The following TPO variants were observed in gnomAD, a reference collection of about 807,000 sequenced individuals.
The protein encoded by TPO is thyroid microsomal antigen.
In TPO, 78 loss-of-function variants were observed where a neutral mutation model predicts 96.9. That is an observed-to-expected ratio of 0.81 (90% CI 0.67 to 0.97). The LOEUF (loss-of-function observed/expected upper bound fraction) is 0.97, where lower values mean the gene tolerates loss of function less well. Ranked by LOEUF, TPO falls within the 50% of genes least tolerant of loss-of-function variation. The pLI is 0.00. For missense variants in TPO, 1,252 were observed against 1,274.8 expected (o/e 0.98, Z 0.27); for synonymous variants, 547 against 538.0 (o/e 1.02, Z -0.23).
At chr2:1,433,230 C>T (rs1258295243) in intron 3 of TPO, among the ~76,000 whole-genome samples, 1 of 152,146 alleles carries the variant, frequency 6.6e-6, no homozygotes, top group African/African-American at 2.4e-5. Flanking sequence ...AATACTGATG[C>T]ATCACTTACA....
At chr2:1,383,876 T>C (rs1019839308) in intron 1 of TPO, among the ~76,000 whole-genome samples, 2 of 152,194 alleles carry the variant, frequency 1.3e-5, no homozygotes, top group Non-Finnish European at 2.9e-5. Flanking sequence ...CTTTAATCCA[T>C]CTTGAATTAA....
intron 15 of TPO, among the ~76,000 whole-genome samples, chr2:1,539,555 C>T (rs1417413544): frequency 2.0e-5 from 3 of 152,150 alleles, no homozygotes; most frequent in East Asian, 1.9e-4. Flanking sequence ...ACACCTAGGT[C>T]GGAGTCCGCA....
At chr2:1,406,052 T>G (rs1662245458) in intron 1 of TPO, among the ~76,000 whole-genome samples, 1 of 152,238 alleles carries the variant, frequency 6.6e-6, no homozygotes, top group Admixed American at 6.5e-5. Flanking sequence ...CTAAATTGAT[T>G]GACTTGGCTG....
upstream of TPO, among the ~76,000 whole-genome samples, chr2:1,411,620 C>A (rs1662348272): frequency 6.6e-6 from 1 of 152,214 alleles, no homozygotes; most frequent in African/African-American, 2.4e-5. Context: ...TCCATCAGCT[C>A]CGGAGGTCAT....
At chr2:1,442,353 G>C (rs1270334477) in intron 5 of TPO, among the ~76,000 whole-genome samples, 1 of 151,998 alleles carries the variant, frequency 6.6e-6, no homozygotes, top group East Asian at 1.9e-4. Context: ...TGCCACAACA[G>C]CCAGAAAACA....
intron 2 of TPO, among the ~76,000 whole-genome samples, chr2:1,422,066 T>G (rs1298613066): frequency 1.3e-5 from 2 of 152,216 alleles, no homozygotes; most frequent in African/African-American, 4.8e-5. Flanking sequence ...CCCTGAGGGG[T>G]CACCCTCTGC....
At chr2:1,516,129 G>A (rs933317638) in intron 14 of TPO, among the ~76,000 whole-genome samples, 4 of 152,088 alleles carry the variant, frequency 2.6e-5, no homozygotes, top group African/African-American at 7.2e-5. Context: ...CTCAGTCCCC[G>A]GCTTTTTCAG....
In TPO at chr2:1,456,169, T is replaced by C; in HGVS notation, c.706T>C (p.Tyr236His). 1 of 1,614,088 alleles carries C rather than the reference T, an allele frequency of 6.2e-7. No individual in the cohort carries two copies. The highest frequency in any genetic ancestry group is 8.5e-7 in the Non-Finnish European group (1 of 1,180,034). Residue 236 changes from tyrosine (Y) to histidine (H), a missense_variant, in exon 7 of 17, where the codon TAC becomes CAC. By Grantham distance (83) the Tyr-to-His change is moderately conservative. Coordinates refer to ENST00000329066, the MANE Select transcript of TPO (RefSeq NM_001206744.2). ...YSDLLMAWGQYIDHDIAFTPQ... is the reference protein window; with the variant it reads ...YSDLLMAWGQHIDHDIAFTPQ... ...TGACCTCCTGATGGCATGGGGACAA[T>C]ACATCGACCACGACATCGCGTTCAC...
intron 1 of TPO, among the ~76,000 whole-genome samples, chr2:1,397,345 A>T (rs1437827371): frequency 1.3e-5 from 2 of 152,212 alleles, no homozygotes; most frequent in Admixed American, 6.5e-5. Context: ...AGGGCATGAC[A>T]TGGGAGTTAC....
chr2:1,459,915 G>C (rs975733090), intron 7 of TPO, among the ~76,000 whole-genome samples: 1 of 150,858 alleles, frequency 6.6e-6, no homozygotes, highest in Non-Finnish European at 1.5e-5. Context: ...GTTCCCTGCT[G>C]CATGTACCTC....
At chr2:1,414,341 G>A in intron 1 of TPO, 67 bp from the exon 2 acceptor site, 1 of 1,478,812 alleles carries the variant, frequency 6.8e-7, no homozygotes, top group South Asian at 1.2e-5. Flanking sequence ...GGGAGACAAG[G>A]ACACAGCGGT....
At chr2:1,477,961 G>A in intron 8 of TPO, 1 of 985,338 alleles carries the variant, frequency 1.0e-6, no homozygotes, top group Middle Eastern at 5.2e-4. Context: ...GACCACCCAG[G>A]TTTCCCGGTG....
At chr2:1,495,148 G>T (rs1672199361) in intron 11 of TPO, among the ~76,000 whole-genome samples, 1 of 152,158 alleles carries the variant, frequency 6.6e-6, no homozygotes, top group African/African-American at 2.4e-5. Context: ...TTCCTAGGGT[G>T]GTGCCCCCAA....
chr2:1,471,289 G>A (rs1669382311), intron 7 of TPO, among the ~76,000 whole-genome samples: 1 of 152,144 alleles, frequency 6.6e-6, no homozygotes, highest in Admixed American at 6.5e-5. Context: ...GAGCCCATAA[G>A]TCTTTCCTGT....
chr2:1,477,455 G>T lies in TPO; in HGVS notation c.1189G>T (p.Ala397Ser). Residue 397 changes from alanine to serine, a missense_variant, in exon 8 of 17, where the codon GCC becomes TCC. By Grantham distance (99) the Ala-to-Ser change is moderately conservative. Coordinates refer to ENST00000329066, the MANE Select transcript of TPO (RefSeq NM_001206744.2). ...GPCFLAGDGR[A>S]SEVPSLTALH... ...CTGCTTCCTGGCCGGAGACGGCCGC[G>T]CCAGCGAGGTCCCCTCCCTGACGGC... The T allele has an allele frequency of 6.6e-7, 1 of 1,524,534 alleles. No homozygotes were observed. Among genetic ancestry groups the T allele is most frequent in the Non-Finnish European group, 8.8e-7 (1 of 1,140,862 alleles). The allele number at this position is 1,524,534 out of a possible 1,614,324, so 94.4% of individuals were successfully genotyped here. A position where few individuals can be genotyped will look rare whatever the true frequency, so the allele number is the denominator to read the frequency against.
chr2:1,517,821 T>C (rs1674857390), intron 15 of TPO, among the ~76,000 whole-genome samples: 1 of 152,236 alleles, frequency 6.6e-6, no homozygotes, highest in Non-Finnish European at 1.5e-5. Flanking sequence ...GTATTAAAAA[T>C]AACAGCAAAC....
Position 1,415,794 on chromosome 2 carries a change from C to A in TPO, c.94+1292C>A, listed in dbSNP as rs190511911. On this transcript the variant is annotated intron_variant, in intron 2 of 16. Transcript: ENST00000329066. Reference sequence around the variant, plus strand: ...GTTCAGGGTCACAGAATCTGGAGTCCTCGCTGTTCCCAGCCACACCCAGCC... The same window carrying A: ...GTTCAGGGTCACAGAATCTGGAGTCATCGCTGTTCCCAGCCACACCCAGCC... Among the ~76,000 whole-genome samples the A allele has an allele frequency of 2.6e-5, 4 of 152,348 alleles. No homozygotes were observed. The East Asian group carries it at 5.8e-4, about 22-fold the overall frequency.
At chr2:1,481,665 G>T (rs1176019577) in intron 8 of TPO, among the ~76,000 whole-genome samples, 1 of 152,224 alleles carries the variant, frequency 6.6e-6, no homozygotes. Context: ...TTTCAGATTG[G>T]TTGCTCTTCC....
rs1378203422 is a variant in TPO, at chr2:1,414,511, C to T, written c.94+9C>T. On this transcript the variant is annotated intron_variant, in intron 2 of 16. Transcript: ENST00000329066. ...GAAAGAACTCCTTTGGGGTAAGTAG[C>T]AAACACATTGCGGTCTTCTGGCCTT... 1 of 1,613,072 alleles carries T rather than the reference C, an allele frequency of 6.2e-7. No homozygotes were observed. The highest frequency in any genetic ancestry group is 1.3e-5 in the African/African-American group (1 of 75,004).
Sources: gnomAD v4.1 joint callset for allele counts (sites outside exome capture counted in the v4.1 genomes callset) on GRCh38, gnomAD v4.1.1 for gene constraint, MANE v1.5 for transcripts, NCBI Gene and HGNC (gene_info 2026-07-23, HGNC 2026-07-21) for gene names.